RBMS2: variants seen among roughly 807,000 people sequenced by gnomAD.
RBMS2 encodes RNA binding motif single stranded interacting protein 2.
In RBMS2, 38 loss-of-function variants were observed where a neutral mutation model predicts 58.4. The ratio of observed to expected loss-of-function variants is 0.65; its 90% CI spans 0.50 to 0.85. RBMS2 has a LOEUF of 0.85. Among genes scored for constraint, RBMS2 ranks in the 40% least tolerant of loss-of-function variants. The pLI, the probability that RBMS2 is intolerant of heterozygous loss-of-function variation, is 0.00. For synonymous variants in RBMS2, 151 were observed against 180.7 expected (o/e 0.84, Z 1.32); for missense variants, 367 against 503.7 (o/e 0.73, Z 2.60).
rs376072493 is a variant in RBMS2 at position 56,573,835 on chromosome 12, TTTG to T, written c.542+2002_542+2004del. On this transcript the variant is annotated intron_variant, in intron 5 of 13. Coordinates refer to ENST00000262031, the MANE Select transcript of RBMS2 (RefSeq NM_002898.4). ...ACCACGCCTGGCTAATTTTTGTATT[TTTG>T]TTGTTGTTGTTGTTGTTGTTGAGAC... Among the ~76,000 whole-genome samples the T allele has an allele frequency of 3.0e-4, 45 of 151,840 alleles. No homozygotes were observed. In the East Asian group the frequency reaches 4.6e-3, roughly 16 times the overall value.
chr12:56,524,742 G>A (rs2136226157), intron 1 of RBMS2, among the ~76,000 whole-genome samples: 1 of 149,274 alleles, frequency 6.7e-6, no homozygotes, highest in South Asian at 2.1e-4. Flanking sequence ...ATTTGAGATG[G>A]AGTCTTGCTC....
chr12:56,575,264 C>A (rs1055075919), intron 5 of RBMS2, among the ~76,000 whole-genome samples: 1 of 145,574 alleles, frequency 6.9e-6, no homozygotes, highest in African/African-American at 2.6e-5. Flanking sequence ...CCCATCTCTA[C>A]AAAAACAAAA....
intron 1 of RBMS2, among the ~76,000 whole-genome samples, chr12:56,527,089 T>C (rs928255733): frequency 3.3e-5 from 5 of 152,310 alleles, no homozygotes; most frequent in East Asian, 1.9e-4. Flanking sequence ...GCTTGTTACC[T>C]GAGATTGTCA....
chr12:56,538,955 G>T (rs1875535072), intron 1 of RBMS2, among the ~76,000 whole-genome samples: 1 of 151,764 alleles, frequency 6.6e-6, no homozygotes, highest in Non-Finnish European at 1.5e-5. Flanking sequence ...TATTAGAAAT[G>T]GAACAGTTTT....
intron 1 of RBMS2, among the ~76,000 whole-genome samples, chr12:56,525,552 A>G (rs1872521271): frequency 6.6e-6 from 1 of 151,746 alleles, no homozygotes; most frequent in African/African-American, 2.4e-5. Context: ...GAGACAGGGT[A>G]TCACTCTGCA....
intron 1 of RBMS2, 34 bp downstream of exon 1, chr12:56,522,123 T>G (rs374959649): frequency 6.7e-7 from 1 of 1,502,666 alleles, no homozygotes; most frequent in Non-Finnish European, 9.2e-7. Flanking sequence ...ATCTAGCTAC[T>G]TCTTTTTCTG....
chr12:56,553,485 G>T (rs1239953252), intron 1 of RBMS2, among the ~76,000 whole-genome samples: 2 of 151,884 alleles, frequency 1.3e-5, no homozygotes, highest in East Asian at 3.9e-4. Flanking sequence ...ACACCACCAA[G>T]TCCGGCTAAT....
chr12:56,581,004 A>G (rs1020411880), intron 5 of RBMS2, among the ~76,000 whole-genome samples, 180 bp from the exon 6 acceptor site: 7 of 152,200 alleles, frequency 4.6e-5, no homozygotes, highest in Non-Finnish European at 7.3e-5. Flanking sequence ...AACCTTCATT[A>G]CAAGCTGGGG....
At chr12:56,560,869 A>C (rs575694740) in intron 1 of RBMS2, among the ~76,000 whole-genome samples, 1 of 152,216 alleles carries the variant, frequency 6.6e-6, no homozygotes, top group South Asian at 2.1e-4. Context: ...CCAGTTATTA[A>C]GCCTCATGAC....
intron 2 of RBMS2, among the ~76,000 whole-genome samples, chr12:56,564,889 T>A (rs10783792): frequency 0.85 from 129,141 of 152,160 alleles, 54,865 homozygotes; most frequent in African/African-American, 0.87. Flanking sequence ...CAGAAGAATC[T>A]CTTGAACCCA....
intron 5 of RBMS2, chr12:56,572,968 C>G: frequency 1.0e-6 from 1 of 981,176 alleles, no homozygotes; most frequent in East Asian, 1.1e-4. Flanking sequence ...CCCTCACTGT[C>G]GTAGGGTATC....
chr12:56,536,570 T>TTTTG (rs1161932477), intron 1 of RBMS2, among the ~76,000 whole-genome samples: 1 of 151,806 alleles, frequency 6.6e-6, no homozygotes, highest in East Asian at 1.9e-4. Flanking sequence ...TCTTTTTTTT[T>TTTTG]TTTGTTTGTT....
intron 1 of RBMS2, among the ~76,000 whole-genome samples, chr12:56,543,202 G>T (rs990725057): frequency 6.6e-6 from 1 of 151,832 alleles, no homozygotes; most frequent in Non-Finnish European, 1.5e-5. Context: ...GTCCATGAAG[G>T]CCGGGCGCAG....
At position 56,577,983 on chromosome 12, in the gene RBMS2, C is replaced by T. The variant is rs1305966197; in HGVS notation, c.543-3201C>T. Among the ~76,000 whole-genome samples the T allele has an allele frequency of 9.2e-5, 14 of 152,008 alleles. 1 individual carries two copies. The highest frequency in any genetic ancestry group is 1.5e-4 in the Non-Finnish European group (10 of 67,974). Reference sequence around the variant, plus strand: ...GATTACAGGCGTGAGCCACTGGACCCGGCCTAATTTTTTAATTTTTTTGTA... The same window carrying T: ...GATTACAGGCGTGAGCCACTGGACCTGGCCTAATTTTTTAATTTTTTTGTA... On this transcript the variant is annotated intron_variant, in intron 5 of 13. Transcript: ENST00000262031.
Position 56,596,135 on chromosome 12 carries a change from C to A in RBMS2, c.*7002C>A, listed in dbSNP as rs1361356361. ...AAAACTGTACATTATCAAAAAGTCA[C>A]TAAAACACCACATTTGGTTATATAA... is the stretch of plus-strand genomic sequence containing the variant. On this transcript the variant is annotated 3_prime_UTR_variant, in exon 14 of 14. Transcript: ENST00000262031. The A allele has an allele frequency of 6.5e-6, 1 of 152,680 alleles. No homozygotes were observed. The highest frequency in any genetic ancestry group is 2.4e-5 in the African/African-American group (1 of 41,456). 9.5% of individuals were successfully genotyped at this position (152,680 alleles called of 1,614,324 possible). A position where few individuals can be genotyped will look rare whatever the true frequency, so the allele number is the denominator to read the frequency against.
chr12:56,581,934 A>G, intron 8 of RBMS2, 55 bp downstream of exon 8: 7 of 1,593,598 alleles, frequency 4.4e-6, no homozygotes, highest in Non-Finnish European at 6.0e-6. Context: ...GTGTCCAGAC[A>G]CTCAAATGAT....
chr12:56,544,165 A>G (rs1876696660), intron 1 of RBMS2, among the ~76,000 whole-genome samples: 1 of 151,988 alleles, frequency 6.6e-6, no homozygotes, highest in Admixed American at 6.5e-5. Flanking sequence ...AATCCCAGCT[A>G]CTCAGGAGGC....
At chr12:56,586,705 CT>C (rs2136594181) in intron 9 of RBMS2, 143 bp from the exon 10 acceptor site, 2 of 660,162 alleles carry the variant, frequency 3.0e-6, no homozygotes, top group East Asian at 5.7e-5. Context: ...TTAAGAATTG[CT>C]AATATTTTAA....
intron 1 of RBMS2, among the ~76,000 whole-genome samples, chr12:56,543,458 C>G (rs563987977): frequency 6.6e-6 from 1 of 150,912 alleles, no homozygotes; most frequent in African/African-American, 2.4e-5. Flanking sequence ...ACTCTTCAGC[C>G]TGGGCAACAG....
Sources: gnomAD v4.1 joint callset for allele counts (sites outside exome capture counted in the v4.1 genomes callset) on GRCh38, gnomAD v4.1.1 for gene constraint, MANE v1.5 for transcripts, NCBI Gene and HGNC (gene_info 2026-07-23, HGNC 2026-07-21) for gene names.